Variants in DYSF observed in about 807,000 individuals in gnomAD.
The protein encoded by DYSF is dystrophy-associated fer-1-like 1.
In DYSF, 212 loss-of-function variants were observed where a neutral mutation model predicts 274.9. The ratio of observed to expected loss-of-function variants is 0.77; its 90% confidence interval spans 0.69 to 0.86. The LOEUF (loss-of-function observed/expected upper bound fraction) is 0.86, where lower values mean the gene tolerates loss of function less well. Among genes scored for constraint, DYSF ranks in the 40% least tolerant of loss-of-function variants. The probability of loss-of-function intolerance (pLI) is 0.00; values close to 1 mark genes in which losing one functional copy is unlikely to be tolerated. For missense variants in DYSF, 2,666 were observed against 2,783.2 expected (o/e 0.96, Z 0.95); for synonymous variants, 1,091 against 1,078.7 (o/e 1.01, Z -0.22).
At chr2:71,489,919 G>A (rs923727103) in intron 3 of DYSF, among the ~76,000 whole-genome samples, 32 of 152,180 alleles carry the variant, frequency 2.1e-4, no homozygotes, top group African/African-American at 7.7e-4. Context: ...GGCAAAAGCA[G>A]TCCCTATGTT....
chr2:71,560,418 C>CCCCAGCACAGGGCTCCGGCCCAGGCCCCA (rs1553548260), intron 22 of DYSF, among the ~76,000 whole-genome samples: 7 of 35,236 alleles, frequency 2.0e-4, no homozygotes, highest in Non-Finnish European at 4.2e-4. Flanking sequence ...CCCAGGCAGG[C>CCCCAGCACAGGGCTCCGGCCCAGGCCCCA]CCCCGCCCCG....
intron 30 of DYSF, 76 bp downstream of exon 30, chr2:71,574,447 A>T (rs755941351): frequency 1.4e-4 from 213 of 1,553,018 alleles, no homozygotes; most frequent in Non-Finnish European, 1.6e-4. Context: ...CTGATGTGGG[A>T]GAGGCACAGG....
rs551767426 is a variant in DYSF, at chr2:71,575,714, G to A, written c.3402+1343G>A. 9.8e-5 allele frequency among the ~76,000 whole-genome samples: 15 copies of A among 152,286 alleles called. No individual in the cohort carries two copies. In the South Asian group the frequency reaches 2.9e-3, roughly 29 times the overall value. On this transcript the variant is annotated intron_variant, in intron 30 of 55. Transcript: ENST00000410020. The stretch of plus-strand genomic sequence containing the variant: ...GGCCAGGTCTGAGAAGGCCAGGAAA[G>A]CACCCTGTGTAATCAGGATCTGTTT...
At chr2:71,631,476 C>T (rs771991240) in intron 41 of DYSF, among the ~76,000 whole-genome samples, 5 of 152,196 alleles carry the variant, frequency 3.3e-5, no homozygotes, top group South Asian at 4.1e-4. Context: ...GGCCTCCCCC[C>T]ACTCCTATTA....
chr2:71,558,130 C>T (rs1391904827), intron 22 of DYSF, among the ~76,000 whole-genome samples: 1 of 152,008 alleles, frequency 6.6e-6, no homozygotes, highest in Non-Finnish European at 1.5e-5. Context: ...AGTGGCAGAA[C>T]CCCCTTGCTG....
intron 51 of DYSF, among the ~76,000 whole-genome samples, chr2:71,671,638 G>T (rs2095123693): frequency 6.6e-6 from 1 of 152,238 alleles, no homozygotes; most frequent in African/African-American, 2.4e-5. Flanking sequence ...AGTGGAAAAG[G>T]CTGGAAAGAG....
chr2:71,491,473 T>C (rs947084474), intron 3 of DYSF, among the ~76,000 whole-genome samples: 1 of 152,204 alleles, frequency 6.6e-6, no homozygotes, highest in Non-Finnish European at 1.5e-5. Flanking sequence ...TAGGTAAACT[T>C]GTGTCATGGG....
chr2:71,484,045 CTTTTT>C (rs59780652), intron 3 of DYSF, among the ~76,000 whole-genome samples: 1,048 of 67,596 alleles, frequency 0.016, 10 homozygotes, highest in African/African-American at 0.06. Flanking sequence ...GGAGATTTCC[CTTTTT>C]TTTTTTTTTT....
At chr2:71,458,728 G>A (rs1278824728) in intron 1 of DYSF, among the ~76,000 whole-genome samples, 1 of 152,176 alleles carries the variant, frequency 6.6e-6, no homozygotes. Context: ...CAGAGAGAGC[G>A]TTCACATCTA....
intron 4 of DYSF, 106 bp from the exon 5 acceptor site, chr2:71,511,701 A>AG (rs2152728370): frequency 2.5e-6 from 2 of 795,354 alleles, no homozygotes; most frequent in Non-Finnish European, 4.3e-6. Flanking sequence ...GGCTCTTGTC[A>AG]GAGCCATATT....
At chr2:71,674,171 C>A (rs368123387) in intron 51 of DYSF, 26 bp from the exon 52 acceptor site, 13 of 1,609,342 alleles carry the variant, frequency 8.1e-6, no homozygotes, top group African/African-American at 1.3e-5. Context: ...TTCCTTGCAT[C>A]CTTCTCTGTT....
intron 55 of DYSF, among the ~76,000 whole-genome samples, chr2:71,685,782 C>T (rs142721362): frequency 0.014 from 2,095 of 152,218 alleles, 21 homozygotes; most frequent in African/African-American, 0.026. Flanking sequence ...CCCCAGCCGG[C>T]GCTGGGGAAC....
intron 8 of DYSF, among the ~76,000 whole-genome samples, 185 bp from the exon 9 acceptor site, chr2:71,515,995 C>T (rs112055836): frequency 6.6e-6 from 1 of 152,178 alleles, no homozygotes; most frequent in African/African-American, 2.4e-5. Flanking sequence ...CCTGAAATGA[C>T]CACGTCTGTG....
At chr2:71,662,254 C>A (rs896598263) in intron 45 of DYSF, among the ~76,000 whole-genome samples, 20 of 152,228 alleles carry the variant, frequency 1.3e-4, no homozygotes, top group Admixed American at 2.0e-4. Flanking sequence ...TTCTCCTTTC[C>A]CCTGAGGAAA....
rs2095264288 is a variant in DYSF, at chr2:71,679,183, T to C, written c.6011T>C (p.Val2004Ala). Residue 2004 changes from valine (V) to alanine (A), a missense_variant, in exon 53 of 56, where the codon GTG becomes GCG. Val to Ala is a moderately conservative substitution (Grantham distance 64, BLOSUM62 0). This residue lies in a region of DYSF where 1,460 missense variants were observed against 1,502.1 expected (regional missense o/e 0.97). Coordinates refer to ENST00000410020, the MANE Select transcript of DYSF (RefSeq NM_001130987.2). ...GTGTCCCTTTTTGAGCAGAAAACAG[T>C]GAAGGGCTGGTGGCCCTGTGTAGCA... ...WFVSLFEQKTVKGWWPCVAEE... is the reference protein window; with the variant it reads ...WFVSLFEQKTAKGWWPCVAEE... 6.2e-7 allele frequency: 1 copy of C among 1,613,864 alleles called. No homozygotes were observed. Among genetic ancestry groups the C allele is most frequent in the Non-Finnish European group, 8.5e-7 (1 of 1,179,944 alleles).
chr2:71,553,752 A>AAACCCCCCC, intron 20 of DYSF, 55 bp from the exon 21 acceptor site: 4 of 267,802 alleles, frequency 1.5e-5, no homozygotes, highest in Non-Finnish European at 1.3e-5. Flanking sequence ...TTAGCACCCC[A>AAACCCCCCC]TCCCACCCGC....
At chr2:71,644,336 G>A (rs1223796407) in intron 42 of DYSF, among the ~76,000 whole-genome samples, 2 of 152,114 alleles carry the variant, frequency 1.3e-5, no homozygotes, top group South Asian at 2.1e-4. Context: ...CTGTGTTAAC[G>A]TGCCCCAGCC....
At chr2:71,520,644 T>C in intron 11 of DYSF, 145 bp from the exon 12 acceptor site, 2 of 737,920 alleles carry the variant, frequency 2.7e-6, no homozygotes. Flanking sequence ...AAAGTACCTT[T>C]TGATTCTAGA....
Position 71,601,233 on chromosome 2 carries a change from A to G in DYSF, c.3898-266A>G, listed in dbSNP as rs549632483. ...CCAGCCACTCCCCTGCTGTAAAATG[A>G]GAGGTTTGGGTTGGACCTGTACCTT... On this transcript the variant is annotated intron_variant, in intron 34 of 55. Transcript: ENST00000410020. 2.8e-5 allele frequency: 17 copies of G among 605,246 alleles called. No homozygotes were observed. The South Asian group carries it at 3.4e-4, about 12-fold the overall frequency. The allele number at this position is 605,246 out of a possible 1,614,324, so 37.5% of individuals were successfully genotyped here. A position where few individuals can be genotyped will look rare whatever the true frequency, so the allele number is the denominator to read the frequency against.
Sources: allele counts gnomAD v4.1 joint callset (sites outside exome capture counted in the v4.1 genomes callset), GRCh38; gene constraint gnomAD v4.1.1; regional missense constraint gnomAD v4.1.1; transcripts MANE v1.5; gene names NCBI Gene and HGNC (gene_info 2026-07-23, HGNC 2026-07-21).